The following DOCK9 variants were observed in gnomAD, a reference collection of about 807,000 sequenced individuals.
DOCK9 encodes the protein dedicator of cytokinesis 9.
DOCK9 carries 89 observed loss-of-function variants against 263.3 expected under a neutral mutation model. The observed-to-expected ratio is 0.34, with a 90% CI of 0.28 to 0.40. DOCK9 has a LOEUF of 0.40. DOCK9 is among the 10% of genes least tolerant of loss of function. DOCK9 has a pLI of 1.00. For synonymous variants in DOCK9, 976 were observed against 973.1 expected, an observed-to-expected ratio of 1.00 and a Z score of -0.06; for missense variants, 2,140 against 2,603.4, an observed-to-expected ratio of 0.82 and a Z score of 3.87.
At chr13:99,035,922 A>T (rs753719172) in intron 1 of DOCK9, among the ~76,000 whole-genome samples, 7 of 152,122 alleles carry the variant, frequency 4.6e-5, no homozygotes, top group African/African-American at 7.2e-5. Flanking sequence ...AGACCTTAAG[A>T]AAAGGACCGA....
At chr13:99,032,300 G>A (rs959524624) in intron 1 of DOCK9, among the ~76,000 whole-genome samples, 1 of 151,862 alleles carries the variant, frequency 6.6e-6, no homozygotes, top group Non-Finnish European at 1.5e-5. Context: ...GTGAAACCCT[G>A]TCTCTACTAA....
At position 98,930,162 on chromosome 13, in the gene DOCK9, C is replaced by A; in HGVS notation, c.333+6G>T. ...AAATGTAAATTAATGCAGGAAAGAG[C>A]CTTACCTCTGTAACAAACAAGCTCT... On this transcript the variant is annotated splice_donor_region_variant and intron_variant, in intron 3 of 52. Transcript: ENST00000682017. The A allele has an allele frequency of 5.6e-6, 9 of 1,605,506 alleles. No individual in the cohort carries two copies. Among genetic ancestry groups the A allele is most frequent in the Non-Finnish European group, 7.7e-6 (9 of 1,175,710 alleles).
intron 45 of DOCK9, among the ~76,000 whole-genome samples, chr13:98,812,798 G>C (rs1157827378): frequency 6.6e-6 from 1 of 151,972 alleles, no homozygotes; most frequent in East Asian, 1.9e-4. Context: ...TGTGTACTAT[G>C]AAAGTTTTAT....
chr13:99,079,912 C>G (rs56745450), intron 1 of DOCK9, among the ~76,000 whole-genome samples: 2 of 151,998 alleles, frequency 1.3e-5, no homozygotes, highest in Non-Finnish European at 2.9e-5. Context: ...TGGTGGCACA[C>G]GCCTGTAATT....
intron 48 of DOCK9, 92 bp downstream of exon 48, chr13:98,807,569 T>C: frequency 8.4e-7 from 1 of 1,184,592 alleles, no homozygotes; most frequent in Non-Finnish European, 1.1e-6. Context: ...AATATTTTTC[T>C]TGTGTTTTTT....
At chr13:98,903,941 A>G (rs977173018) in intron 10 of DOCK9, among the ~76,000 whole-genome samples, 1 of 152,224 alleles carries the variant, frequency 6.6e-6, no homozygotes, top group Non-Finnish European at 1.5e-5. Context: ...AGGTTCACAG[A>G]GTAGAACAGA....
intron 1 of DOCK9, among the ~76,000 whole-genome samples, chr13:99,084,401 T>C (rs938110212): frequency 2.6e-5 from 4 of 152,212 alleles, no homozygotes; most frequent in African/African-American, 9.7e-5. Flanking sequence ...ACAGGTTTCA[T>C]CAGACAAGTG....
At chr13:98,819,871 A>G (rs2092152753) in intron 45 of DOCK9, among the ~76,000 whole-genome samples, 1 of 152,256 alleles carries the variant, frequency 6.6e-6, no homozygotes, top group South Asian at 2.1e-4. Flanking sequence ...ACTGGCAACT[A>G]TTCCTGAATA....
chr13:98,924,373 G>T lies in DOCK9; in HGVS notation c.417-1002C>A, dbSNP rs73560662. 7.6e-3 allele frequency among the ~76,000 whole-genome samples: 1,160 copies of T among 152,272 alleles called. 14 individuals are homozygous for T. The highest frequency in any genetic ancestry group is 0.027 in the African/African-American group (1,125 of 41,564). On this transcript the variant is annotated intron_variant, in intron 4 of 52. Transcript: ENST00000682017. ...GTTCCAGCTCAAAGATGTAACAAAC[G>T]CAAAGAAAAATACATTAATCAGGTC...
At chr13:98,797,533 C>T (rs779958206) in intron 50 of DOCK9, 44 bp from the exon 51 acceptor site, 2 of 1,517,958 alleles carry the variant, frequency 1.3e-6, no homozygotes, top group South Asian at 2.4e-5. Flanking sequence ...GGAAGAAAAT[C>T]ACCATGACCA....
At chr13:98,953,764 G>T (rs1391638965) in intron 2 of DOCK9, among the ~76,000 whole-genome samples, 1 of 152,184 alleles carries the variant, frequency 6.6e-6, no homozygotes, top group Non-Finnish European at 1.5e-5. Flanking sequence ...TTATTAGTCC[G>T]TTCCCATGCA....
intron 1 of DOCK9, among the ~76,000 whole-genome samples, chr13:99,034,081 C>G (rs1281784676): frequency 6.6e-6 from 1 of 152,210 alleles, no homozygotes; most frequent in Non-Finnish European, 1.5e-5. Context: ...TCAGCTCACA[C>G]AACCCTAAAG....
At chr13:98,948,877 G>A (rs2057045093) in intron 2 of DOCK9, among the ~76,000 whole-genome samples, 1 of 152,210 alleles carries the variant, frequency 6.6e-6, no homozygotes, top group African/African-American at 2.4e-5. Flanking sequence ...ACATGGGACA[G>A]GAGTTTCTTC....
At chr13:98,819,323 C>T (rs779330843) in intron 45 of DOCK9, among the ~76,000 whole-genome samples, 13 of 152,330 alleles carry the variant, frequency 8.5e-5, no homozygotes, top group Middle Eastern at 3.4e-3. Context: ...AACTAGCACA[C>T]GGCACATGGC....
intron 45 of DOCK9, among the ~76,000 whole-genome samples, chr13:98,818,481 G>C (rs2092049690): frequency 6.6e-6 from 1 of 152,068 alleles, no homozygotes; most frequent in South Asian, 2.1e-4. Flanking sequence ...TAACCTTATA[G>C]GGCAGTCATA....
chr13:98,839,547 G>A (rs1394869744), intron 38 of DOCK9, among the ~76,000 whole-genome samples: 6 of 152,188 alleles, frequency 3.9e-5, no homozygotes, highest in Admixed American at 1.3e-4. Flanking sequence ...CATTTGCCCC[G>A]AATGAGTTTT....
chr13:98,974,573 C>A (rs915017804), intron 1 of DOCK9, among the ~76,000 whole-genome samples: 2 of 151,698 alleles, frequency 1.3e-5, no homozygotes, highest in African/African-American at 4.8e-5. Context: ...AATATGATGA[C>A]ACCACGTCTC....
chr13:98,845,253 C>T (rs555484742), intron 38 of DOCK9: 1 of 1,073,598 alleles, frequency 9.3e-7, no homozygotes, highest in East Asian at 5.3e-5. Context: ...GTTAGGAAGG[C>T]AAGATGAACA....
chr13:99,042,959 C>T (rs1595970384), intron 1 of DOCK9, among the ~76,000 whole-genome samples: 1 of 151,942 alleles, frequency 6.6e-6, no homozygotes, highest in African/African-American at 2.4e-5. Flanking sequence ...CAAGATAGGG[C>T]CTTACAAGGC....
Sources: allele counts gnomAD v4.1 joint callset (sites outside exome capture counted in the v4.1 genomes callset), GRCh38; gene constraint gnomAD v4.1.1; transcripts MANE v1.5; gene names NCBI Gene and HGNC (gene_info 2026-07-23, HGNC 2026-07-21).